Variants in PID1 observed in about 807,000 individuals in gnomAD.
The protein encoded by PID1 is PTB-containing, cubilin and LRP1-interacting protein.
In PID1, 10 loss-of-function variants were observed where a neutral mutation model predicts 19.1. That is an observed-to-expected ratio of 0.52 (90% CI 0.32 to 0.89). The LOEUF (loss-of-function observed/expected upper bound fraction) is 0.89, where lower values mean the gene tolerates loss of function less well. PID1 is among the 40% of genes least tolerant of loss of function. The pLI is 0.03. For missense variants in PID1, 248 were observed against 285.3 expected (o/e 0.87, Z 0.94); for synonymous variants, 130 against 116.0 (o/e 1.12, Z -0.78).
At chr2:229,242,009 G>GTGTTT (rs535399515) in intron 1 of PID1, among the ~76,000 whole-genome samples, 2,280 of 151,212 alleles carry the variant, frequency 0.015, 28 homozygotes, top group Middle Eastern at 0.031. Flanking sequence ...CAGTAAATCA[G>GTGTTT]TGTTTTTGTT....
chr2:229,143,636 C>G (rs1430961477), intron 2 of PID1, among the ~76,000 whole-genome samples: 1 of 151,990 alleles, frequency 6.6e-6, no homozygotes, highest in Admixed American at 6.6e-5. Context: ...TGGCTGTGTC[C>G]CCATCCAAAT....
intron 1 of PID1, among the ~76,000 whole-genome samples, chr2:229,246,000 G>A (rs959020882): frequency 2.6e-5 from 4 of 152,098 alleles, no homozygotes; most frequent in Admixed American, 6.6e-5. Flanking sequence ...ACCAAATTGT[G>A]ACAGGTACTT....
In PID1 at chr2:229,121,539, G is replaced by C. The variant is rs1009104144; in HGVS notation, c.177+34279C>G. 1.6e-4 allele frequency among the ~76,000 whole-genome samples: 24 copies of C among 152,176 alleles called. 1 individual carries two copies. Among genetic ancestry groups the C allele is most frequent in the African/African-American group, 5.3e-4 (22 of 41,448 alleles). The stretch of plus-strand genomic sequence containing the variant: ...CTAATCAGAAAAGGGAGTTGGATAA[G>C]AGTGCTCTTACAAACTCCTACATTC... On this transcript the variant is annotated intron_variant, in intron 2 of 2. Transcript: ENST00000392055.
At chr2:229,125,885 G>A (rs1281629302) in intron 2 of PID1, among the ~76,000 whole-genome samples, 2 of 152,160 alleles carry the variant, frequency 1.3e-5, no homozygotes, top group Non-Finnish European at 2.9e-5. Flanking sequence ...TGAGCATGTT[G>A]AGCAAATATG....
chr2:229,038,171 C>A (rs186120870), intron 2 of PID1, among the ~76,000 whole-genome samples: 1 of 152,208 alleles, frequency 6.6e-6, no homozygotes, highest in East Asian at 1.9e-4. Context: ...TACACTGAGG[C>A]TAATTAGACC....
intron 2 of PID1, among the ~76,000 whole-genome samples, chr2:229,088,445 A>C (rs1220983775): frequency 6.6e-6 from 1 of 152,188 alleles, no homozygotes; most frequent in Admixed American, 6.6e-5. Flanking sequence ...GAAAAAAGGA[A>C]AGGAAGCGAG....
chr2:229,218,293 C>A (rs1228564118), intron 1 of PID1, among the ~76,000 whole-genome samples: 86 of 67,594 alleles, frequency 1.3e-3, no homozygotes, highest in African/African-American at 2.1e-3. Context: ...GTTTCCTGAG[C>A]AAAAAAAAAA....
intron 2 of PID1, among the ~76,000 whole-genome samples, chr2:229,106,880 A>C (rs1559235813): frequency 6.6e-6 from 1 of 152,200 alleles, no homozygotes; most frequent in Non-Finnish European, 1.5e-5. Context: ...AGATATGTCT[A>C]ATTGCTATCC....
chr2:229,269,351 G>A (rs1034174664), intron 1 of PID1, among the ~76,000 whole-genome samples: 1 of 152,238 alleles, frequency 6.6e-6, no homozygotes, highest in Non-Finnish European at 1.5e-5. Flanking sequence ...AATCTCTATG[G>A]GAAGGCAAGC....
At chr2:229,208,205 G>A (rs1691650454) in intron 1 of PID1, among the ~76,000 whole-genome samples, 1 of 152,110 alleles carries the variant, frequency 6.6e-6, no homozygotes, top group African/African-American at 2.4e-5. Context: ...ATACTTCGTT[G>A]CAAAATAGAA....
chr2:229,158,318 T>C (rs1368770567), intron 1 of PID1, among the ~76,000 whole-genome samples: 3 of 152,206 alleles, frequency 2.0e-5, no homozygotes, highest in Admixed American at 1.3e-4. Flanking sequence ...CCCTATGAGT[T>C]GTGTAGCCAG....
rs183061817 is a variant in PID1 at position 229,117,120 on chromosome 2, C to T, written c.177+38698G>A. ...CAGTCCAGTTCTCTATTCTGAGCTC[C>T]GGATCAATACAGCCAAGATCAACAT... On this transcript the variant is annotated intron_variant, in intron 2 of 2. Coordinates refer to ENST00000392055, the MANE Select transcript of PID1 (RefSeq NM_001100818.2). Among the ~76,000 whole-genome samples, 12 of 152,232 alleles carry T rather than the reference C, an allele frequency of 7.9e-5. No individual in the cohort carries two copies. The East Asian group carries it at 9.7e-4, about 12-fold the overall frequency.
At chr2:229,037,256 T>C (rs778929972) in intron 2 of PID1, among the ~76,000 whole-genome samples, 20 of 152,202 alleles carry the variant, frequency 1.3e-4, no homozygotes, top group Admixed American at 3.9e-4. Context: ...CTATTTTTAT[T>C]ATAGAAATAT....
intron 2 of PID1, among the ~76,000 whole-genome samples, chr2:229,141,779 C>G (rs137941804): frequency 9.9e-5 from 15 of 152,066 alleles, no homozygotes; most frequent in African/African-American, 1.9e-4. Context: ...TCTGAAGATG[C>G]CTGGTGACTC....
chr2:229,181,614 C>T (rs2106219241), intron 1 of PID1, among the ~76,000 whole-genome samples: 1 of 152,304 alleles, frequency 6.6e-6, no homozygotes, highest in East Asian at 1.9e-4. Flanking sequence ...GGCTTTTCTA[C>T]TGATAATCAA....
Position 229,189,676 on chromosome 2 carries a change from G to A in PID1, c.31-33712C>T, listed in dbSNP as rs532509661. Among the ~76,000 whole-genome samples, 15 of 152,288 alleles carry A rather than the reference G, an allele frequency of 9.8e-5. No individual in the cohort carries two copies. The East Asian group carries it at 1.9e-3, about 20-fold the overall frequency. On this transcript the variant is annotated intron_variant, in intron 1 of 2. Coordinates refer to ENST00000392055, the MANE Select transcript of PID1 (RefSeq NM_001100818.2). ...TGCACCACTGCACTCTAGCCTGGGC[G>A]ACAAGAGTGAAACTCCATCAACAAC...
intron 1 of PID1, among the ~76,000 whole-genome samples, chr2:229,171,542 T>C (rs1187361200): frequency 6.6e-6 from 1 of 152,186 alleles, no homozygotes; most frequent in Non-Finnish European, 1.5e-5. Context: ...AACCTAGAAC[T>C]AACCCCTCTC....
At chr2:229,257,715 CCTT>C (rs1372261693) in intron 1 of PID1, among the ~76,000 whole-genome samples, 2 of 152,138 alleles carry the variant, frequency 1.3e-5, no homozygotes, top group African/African-American at 2.4e-5. Flanking sequence ...AAATTTTCCT[CCTT>C]GAGGGGCAAA....
intron 1 of PID1, among the ~76,000 whole-genome samples, chr2:229,266,475 C>A (rs1483065165): frequency 6.6e-6 from 1 of 152,176 alleles, no homozygotes; most frequent in Non-Finnish European, 1.5e-5. Context: ...CTTTGGTCAA[C>A]CCACTGCTTC....
Sources: gnomAD v4.1 joint callset for allele counts (sites outside exome capture counted in the v4.1 genomes callset) on GRCh38, gnomAD v4.1.1 for gene constraint, MANE v1.5 for transcripts, NCBI Gene and HGNC (gene_info 2026-07-23, HGNC 2026-07-21) for gene names.